BBX: variants seen among roughly 807,000 people sequenced by gnomAD.
The protein encoded by BBX is BBX high mobility group box domain containing.
BBX carries 30 observed loss-of-function variants against 100.2 expected under a neutral mutation model. That is an observed-to-expected ratio of 0.30 (90% CI 0.22 to 0.41). The LOEUF (loss-of-function observed/expected upper bound fraction) is 0.41, where lower values mean the gene tolerates loss of function less well. Among genes scored for constraint, BBX ranks in the 10% least tolerant of loss-of-function variants. The pLI is 1.00. For missense variants in BBX, 1,023 were observed against 1,129.8 expected (o/e 0.91, Z 1.35); for synonymous variants, 376 against 388.1 (o/e 0.97, Z 0.37).
intron 2 of BBX, among the ~76,000 whole-genome samples, chr3:107,564,753 T>C (rs1322935914): frequency 6.6e-6 from 1 of 152,248 alleles, no homozygotes; most frequent in Non-Finnish European, 1.5e-5. Flanking sequence ...AGTGATTGAC[T>C]TATAGCTTTA....
Position 107,716,863 on chromosome 3 carries a change from A to G in BBX, c.405+14A>G, listed in dbSNP as rs368121079. 1.2e-5 allele frequency: 19 copies of G among 1,611,624 alleles called. No individual in the cohort carries two copies. Among genetic ancestry groups the G allele is most frequent in the Non-Finnish European group, 1.6e-5 (19 of 1,178,198 alleles). ...ATGGCCAAGGAGGTAGGTTACAATG[A>G]CAAGGTATTCTGATAGCTAAAAGCA... On this transcript the variant is annotated intron_variant, in intron 5 of 17. Coordinates refer to ENST00000325805, the MANE Select transcript of BBX (RefSeq NM_001142568.3).
intron 2 of BBX, among the ~76,000 whole-genome samples, chr3:107,543,449 C>T (rs1332146775): frequency 1.3e-5 from 2 of 152,036 alleles, no homozygotes; most frequent in African/African-American, 4.8e-5. Flanking sequence ...AAAATTAAAC[C>T]AAAATGTTAT....
intron 2 of BBX, among the ~76,000 whole-genome samples, chr3:107,555,577 A>C (rs1245650023): frequency 6.6e-6 from 1 of 152,234 alleles, no homozygotes; most frequent in African/African-American, 2.4e-5. Context: ...ATGTTTAAGA[A>C]TGTGGTGTTC....
At chr3:107,546,259 G>A (rs2049231760) in intron 2 of BBX, among the ~76,000 whole-genome samples, 1 of 152,152 alleles carries the variant, frequency 6.6e-6, no homozygotes, top group Non-Finnish European at 1.5e-5. Flanking sequence ...GTGCCAAGAT[G>A]TTACGTCTTC....
At chr3:107,707,401 A>T (rs952449973) in intron 3 of BBX, among the ~76,000 whole-genome samples, 1 of 152,236 alleles carries the variant, frequency 6.6e-6, no homozygotes, top group Non-Finnish European at 1.5e-5. Context: ...ATAGTGAATC[A>T]TCATCACAAT....
chr3:107,715,285 C>T (rs2062021000), intron 4 of BBX, among the ~76,000 whole-genome samples: 1 of 152,120 alleles, frequency 6.6e-6, no homozygotes. Flanking sequence ...CACTCCATAC[C>T]TCAGAATTGG....
chr3:107,568,800 T>G (rs1399198699), intron 2 of BBX, among the ~76,000 whole-genome samples: 1 of 152,226 alleles, frequency 6.6e-6, no homozygotes. Flanking sequence ...AGTCTTATAG[T>G]TCAATAAATA....
At chr3:107,652,016 G>A (rs563163027) in intron 3 of BBX, among the ~76,000 whole-genome samples, 1 of 152,106 alleles carries the variant, frequency 6.6e-6, no homozygotes, top group South Asian at 2.1e-4. Flanking sequence ...CTCTCCCTTG[G>A]ACACCTAAGT....
intron 7 of BBX, among the ~76,000 whole-genome samples, chr3:107,733,956 T>C (rs1000037798): frequency 6.6e-6 from 1 of 152,160 alleles, no homozygotes; most frequent in Non-Finnish European, 1.5e-5. Context: ...AGAGGCCAAT[T>C]GAATTAACCT....
intron 15 of BBX, among the ~76,000 whole-genome samples, chr3:107,793,858 T>C (rs1277463341): frequency 6.6e-6 from 1 of 152,162 alleles, no homozygotes; most frequent in African/African-American, 2.4e-5. Context: ...CAATCTTTCT[T>C]TTTTTTCAAA....
intron 2 of BBX, among the ~76,000 whole-genome samples, chr3:107,629,087 C>T (rs2056387912): frequency 1.3e-5 from 2 of 152,080 alleles, no homozygotes; most frequent in Non-Finnish European, 2.9e-5. Context: ...CCCTCCCCAC[C>T]CATAAAATTT....
chr3:107,561,868 A>G (rs534477023), intron 2 of BBX, among the ~76,000 whole-genome samples: 1 of 152,322 alleles, frequency 6.6e-6, no homozygotes, highest in Non-Finnish European at 1.5e-5. Flanking sequence ...CACTATTTGC[A>G]CTTTCATTAT....
At chr3:107,610,684 T>A (rs2054781059) in intron 2 of BBX, among the ~76,000 whole-genome samples, 1 of 152,102 alleles carries the variant, frequency 6.6e-6, no homozygotes, top group Admixed American at 6.5e-5. Context: ...TTCTTTGGTT[T>A]CTACTTGCAT....
chr3:107,547,268 T>A (rs2049309583), intron 2 of BBX, among the ~76,000 whole-genome samples: 1 of 152,192 alleles, frequency 6.6e-6, no homozygotes, highest in African/African-American at 2.4e-5. Context: ...GAACTGATAA[T>A]GGCTCTAAAA....
intron 5 of BBX, among the ~76,000 whole-genome samples, chr3:107,717,116 A>C (rs576274882): frequency 7.2e-5 from 11 of 152,158 alleles, no homozygotes; most frequent in Non-Finnish European, 1.0e-4. Flanking sequence ...GATTGATATA[A>C]GGGATTGATT....
intron 2 of BBX, among the ~76,000 whole-genome samples, chr3:107,618,856 A>G (rs748829060): frequency 6.6e-6 from 1 of 152,066 alleles, no homozygotes; most frequent in Non-Finnish European, 1.5e-5. Flanking sequence ...GGCACCTGAA[A>G]AAGAATGTGT....
intron 2 of BBX, among the ~76,000 whole-genome samples, chr3:107,563,394 C>A (rs1433551611): frequency 2.0e-5 from 3 of 152,152 alleles, no homozygotes; most frequent in African/African-American, 7.2e-5. Context: ...ACAAAGCCTG[C>A]ATTTCTTTTT....
intron 3 of BBX, among the ~76,000 whole-genome samples, chr3:107,695,450 T>G (rs1213287768): frequency 1.4e-5 from 2 of 138,996 alleles, no homozygotes; most frequent in Admixed American, 1.4e-4. Context: ...CATTTCGTTA[T>G]GTACCCAGTA....
chr3:107,592,320 C>G (rs548695394), intron 2 of BBX, among the ~76,000 whole-genome samples: 1 of 126,154 alleles, frequency 7.9e-6, no homozygotes, highest in African/African-American at 3.0e-5. Context: ...GAGATTGCAC[C>G]AGTGCACTCC....
Sources: gnomAD v4.1 joint callset for allele counts (sites outside exome capture counted in the v4.1 genomes callset) on GRCh38, gnomAD v4.1.1 for gene constraint, MANE v1.5 for transcripts, NCBI Gene and HGNC (gene_info 2026-07-23, HGNC 2026-07-21) for gene names.